Variants in HHAT observed in about 807,000 individuals in gnomAD.
The protein encoded by HHAT is hedgehog acyltransferase.
A neutral mutation model predicts 70.8 loss-of-function variants in HHAT; 47 were observed. The observed-to-expected ratio is 0.66, with a 90% CI of 0.53 to 0.85. The LOEUF (loss-of-function observed/expected upper bound fraction) is 0.85, where lower values mean the gene tolerates loss of function less well. Among genes scored for constraint, HHAT ranks in the 40% least tolerant of loss-of-function variants. The pLI is 0.00. For missense variants in HHAT, 609 were observed against 604.8 expected (o/e 1.01, Z -0.07); for synonymous variants, 228 against 247.6 (o/e 0.92, Z 0.74).
intron 6 of HHAT, among the ~76,000 whole-genome samples, chr1:210,406,648 C>G (rs1480866517): frequency 6.6e-6 from 1 of 152,180 alleles, no homozygotes; most frequent in Non-Finnish European, 1.5e-5. Flanking sequence ...CCCTCAGCCT[C>G]CCAAAGTGCT....
chr1:210,572,747 T>A (rs1285007338), intron 9 of HHAT, among the ~76,000 whole-genome samples: 1 of 151,750 alleles, frequency 6.6e-6, no homozygotes, highest in Non-Finnish European at 1.5e-5. Flanking sequence ...TAAAAAAAAA[T>A]GTAGCTGGGC....
chr1:210,671,471 G>C (rs888081543), intron 11 of HHAT, among the ~76,000 whole-genome samples: 2 of 152,178 alleles, frequency 1.3e-5, no homozygotes, highest in Non-Finnish European at 2.9e-5. Context: ...ATGTGTACCT[G>C]GCACCTCAGA....
rs148220820 is a variant in HHAT at position 210,535,719 on chromosome 1, T to C, written c.1043+22531T>C. Among the ~76,000 whole-genome samples the C allele has an allele frequency of 3.0e-3, 454 of 152,260 alleles. 1 individual carries two copies. Among genetic ancestry groups the C allele is most frequent in the African/African-American group, 0.011 (437 of 41,550 alleles). ...CGTGCATCCCTTCTTGTGCTGTATC[T>C]GCATAGAAAATATAGCAAAGGTTTT... On this transcript the variant is annotated intron_variant, in intron 9 of 11. Coordinates refer to ENST00000261458, the MANE Select transcript of HHAT (RefSeq NM_018194.6).
intron 6 of HHAT, among the ~76,000 whole-genome samples, chr1:210,410,523 A>ATTTTTTTTTTTTTTTTTTTTTTTT (rs35608235): frequency 2.6e-5 from 3 of 116,422 alleles, no homozygotes; most frequent in African/African-American, 1.1e-4. Flanking sequence ...TTATTTGTAA[A>ATTTTTTTTTTTTTTTTTTTTTTTT]TTTTTTTTTT....
intron 3 of HHAT, among the ~76,000 whole-genome samples, chr1:210,386,233 T>TTC (rs2091046143): frequency 2.2e-5 from 1 of 45,092 alleles, no homozygotes; most frequent in African/African-American, 1.3e-4. Flanking sequence ...TTTTTTTCTT[T>TTC]TTTTTTTTTT....
chr1:210,656,160 A>G (rs1379306217), intron 11 of HHAT, among the ~76,000 whole-genome samples: 1 of 152,130 alleles, frequency 6.6e-6, no homozygotes, highest in African/African-American at 2.4e-5. Context: ...AGTGACATAG[A>G]CTAAGTCCAT....
At chr1:210,667,384 A>C (rs1480236868) in intron 11 of HHAT, among the ~76,000 whole-genome samples, 1 of 76,016 alleles carries the variant, frequency 1.3e-5, no homozygotes. Context: ...CTCCGTCAAT[A>C]AATAAATAAA....
intron 11 of HHAT, among the ~76,000 whole-genome samples, chr1:210,628,683 T>A (rs1250435282): frequency 2.6e-5 from 4 of 152,206 alleles, no homozygotes; most frequent in Non-Finnish European, 4.4e-5. Context: ...TTCTTGCTAT[T>A]TCTAGCTGAG....
At chr1:210,403,297 A>G (rs1487392218) in intron 5 of HHAT, among the ~76,000 whole-genome samples, 1 of 152,228 alleles carries the variant, frequency 6.6e-6, no homozygotes, top group African/African-American at 2.4e-5. Flanking sequence ...ATTTACAGTA[A>G]AAATAAAAAC....
chr1:210,591,883 G>GT (rs956246294), intron 10 of HHAT, among the ~76,000 whole-genome samples: 14 of 152,066 alleles, frequency 9.2e-5, no homozygotes, highest in East Asian at 1.9e-4. Flanking sequence ...AGATTATTAG[G>GT]TTTTTTCCCC....
chr1:210,600,650 G>A (rs1433003914), intron 10 of HHAT, among the ~76,000 whole-genome samples: 1 of 152,158 alleles, frequency 6.6e-6, no homozygotes, highest in Non-Finnish European at 1.5e-5. Flanking sequence ...GGTGGACGTA[G>A]AGGAGTTACT....
rs562838872 is a variant in HHAT, at chr1:210,419,689, C to T, written c.856+1364C>T. On this transcript the variant is annotated intron_variant, in intron 7 of 11. Coordinates refer to ENST00000261458, the MANE Select transcript of HHAT (RefSeq NM_018194.6). Reference sequence around the variant, plus strand: ...TACTTAATCAGAATGTTTCCAAGGACGAAACCTTTAAGATTGAAAAAATGC... The same window carrying T: ...TACTTAATCAGAATGTTTCCAAGGATGAAACCTTTAAGATTGAAAAAATGC... Among the ~76,000 whole-genome samples, 26 of 152,252 alleles carry T rather than the reference C, an allele frequency of 1.7e-4. No homozygotes were observed. The South Asian group carries it at 2.5e-3, about 15-fold the overall frequency.
At position 210,371,880 on chromosome 1, in the gene HHAT, A is replaced by AG. The variant is rs201405112; in HGVS notation, c.159+8964dup. On this transcript the variant is annotated intron_variant, in intron 3 of 11. Transcript: ENST00000261458. ...ATTATCAAGAGTCTACTAATGTTTG[A>AG]GGGAGTTCGATGCAAAGATGAAGAC... Among the ~76,000 whole-genome samples the AG allele has an allele frequency of 4.9e-3, 748 of 152,302 alleles. 8 individuals carry two copies. The highest frequency in any genetic ancestry group is 0.024 in the Middle Eastern group (7 of 294).
chr1:210,574,367 T>C (rs1657132692), intron 9 of HHAT, among the ~76,000 whole-genome samples: 1 of 152,102 alleles, frequency 6.6e-6, no homozygotes, highest in Non-Finnish European at 1.5e-5. Context: ...GGAGAATCTA[T>C]TTTGGAGACT....
Position 210,676,127 on chromosome 1 carries a change from C to T in HHAT, c.*1748C>T, listed in dbSNP as rs1051170952. On this transcript the variant is annotated 3_prime_UTR_variant, in exon 12 of 12. Coordinates refer to ENST00000261458, the MANE Select transcript of HHAT (RefSeq NM_018194.6). ...ATAAGTAATACAAAAGTTTTGAGCTCTTCCAAGTATACCATTTATATACAA... is the reference window on the plus strand; with the variant it reads ...ATAAGTAATACAAAAGTTTTGAGCTTTTCCAAGTATACCATTTATATACAA... 2 of 152,172 alleles carry T rather than the reference C, an allele frequency of 1.3e-5. No homozygotes were observed. The highest frequency in any genetic ancestry group is 2.9e-5 in the Non-Finnish European group (2 of 68,038). 9.4% of individuals were successfully genotyped at this position (152,172 alleles called of 1,614,324 possible).
chr1:210,330,386 T>C (rs1471230469), intron 1 of HHAT, among the ~76,000 whole-genome samples: 1 of 152,192 alleles, frequency 6.6e-6, no homozygotes, highest in Non-Finnish European at 1.5e-5. Context: ...TAAGTGTTGT[T>C]ATCTCTTTTC....
intron 7 of HHAT, among the ~76,000 whole-genome samples, chr1:210,428,118 G>T (rs1451829873): frequency 8.8e-6 from 1 of 113,056 alleles, no homozygotes; most frequent in Non-Finnish European, 1.9e-5. Context: ...TACAATCCCT[G>T]ATTTTTTCTG....
chr1:210,577,411 C>G (rs186985641), intron 9 of HHAT, among the ~76,000 whole-genome samples: 17 of 152,162 alleles, frequency 1.1e-4, no homozygotes, highest in Admixed American at 1.1e-3. Context: ...TTGCCAAATG[C>G]TTTTTCTCCA....
chr1:210,576,643 G>A (rs1164134362), intron 9 of HHAT, among the ~76,000 whole-genome samples: 1 of 152,004 alleles, frequency 6.6e-6, no homozygotes, highest in Non-Finnish European at 1.5e-5. Flanking sequence ...TTGTGCACAT[G>A]TACCCTAAAA....
Sources: gnomAD v4.1 joint callset for allele counts (sites outside exome capture counted in the v4.1 genomes callset) on GRCh38, gnomAD v4.1.1 for gene constraint, MANE v1.5 for transcripts, NCBI Gene and HGNC (gene_info 2026-07-23, HGNC 2026-07-21) for gene names.